The following KCNG3 variants were observed in gnomAD, a reference collection of about 807,000 sequenced individuals.
KCNG3 encodes potassium voltage-gated channel modifier subfamily G member 3.
In KCNG3, 15 loss-of-function variants were observed where a neutral mutation model predicts 29.0. The observed-to-expected ratio is 0.52, with a 90% CI of 0.35 to 0.80. The LOEUF (loss-of-function observed/expected upper bound fraction) is 0.80. Among genes scored for constraint, KCNG3 ranks in the 30% least tolerant of loss-of-function variants. The pLI, the probability that KCNG3 is intolerant of heterozygous loss-of-function variation, is 0.01. For synonymous variants in KCNG3, 322 were observed against 248.9 expected (o/e 1.29, Z -2.76); for missense variants, 512 against 605.7 (o/e 0.85, Z 1.62).
chr2:42,416,278 A>G, the KCNG3 span, among the ~76,000 whole-genome samples: 1 of 152,202 alleles, frequency 6.6e-6, no homozygotes, highest in Admixed American at 6.5e-5. Flanking sequence ...TCTACTGCAT[A>G]GCAAGATGAC....
chr2:42,441,970 G>A (rs1326629201), downstream of KCNG3: 1 of 151,762 alleles, frequency 6.6e-6, no homozygotes. Flanking sequence ...TAATTTACTT[G>A]GGAAGATAGG....
intron 1 of KCNG3, chr2:42,470,183 T>C (rs773192397): frequency 1.3e-4 from 56 of 422,684 alleles, no homozygotes; most frequent in Admixed American, 2.4e-4. Flanking sequence ...GATTCACCAT[T>C]TGGCTTGATA....
the KCNG3 span, among the ~76,000 whole-genome samples, chr2:42,399,666 G>C: frequency 1.3e-5 from 2 of 152,102 alleles, no homozygotes; most frequent in African/African-American, 4.8e-5. Context: ...TAAGAGTGTG[G>C]AGACAGAAGA....
At chr2:42,392,605 A>G in the KCNG3 span, among the ~76,000 whole-genome samples, 2 of 152,168 alleles carry the variant, frequency 1.3e-5, no homozygotes, top group African/African-American at 2.4e-5. Context: ...TGCTACAGCC[A>G]AAGAGATGGG....
chr2:42,440,661 T>A (rs1471941169), downstream of KCNG3, among the ~76,000 whole-genome samples: 1 of 152,166 alleles, frequency 6.6e-6, no homozygotes, highest in Non-Finnish European at 1.5e-5. Context: ...ATTGTGGAAA[T>A]AACTTTTCAG....
At chr2:42,414,864 T>C in the KCNG3 span, among the ~76,000 whole-genome samples, 1 of 152,352 alleles carries the variant, frequency 6.6e-6, no homozygotes, top group Admixed American at 6.5e-5. Context: ...ATGACTATCT[T>C]TTTCACATCT....
At chr2:42,446,180 TA>T (rs1386823670) in intron 1 of KCNG3, among the ~76,000 whole-genome samples, 2 of 151,782 alleles carry the variant, frequency 1.3e-5, no homozygotes, top group Admixed American at 1.3e-4. Flanking sequence ...TAACATTTTT[TA>T]TTTTTTTTTA....
the KCNG3 span, among the ~76,000 whole-genome samples, chr2:42,403,477 GTTT>G: frequency 2.3e-5 from 2 of 87,774 alleles, no homozygotes; most frequent in African/African-American, 9.2e-5. Context: ...TTTCTTTTCT[GTTT>G]TTTTTTTTTT....
chr2:42,467,531 G>C (rs1409355310), intron 1 of KCNG3, among the ~76,000 whole-genome samples: 1 of 151,852 alleles, frequency 6.6e-6, no homozygotes, highest in Non-Finnish European at 1.5e-5. Context: ...AGCCAGGCAT[G>C]GTGGCACATG....
At chr2:42,432,108 G>C in the KCNG3 span, among the ~76,000 whole-genome samples, 2 of 151,924 alleles carry the variant, frequency 1.3e-5, no homozygotes, top group South Asian at 4.1e-4. Context: ...CTTTTTGCAG[G>C]TACAAGGATC....
At chr2:42,417,320 G>A in the KCNG3 span, among the ~76,000 whole-genome samples, 6 of 152,102 alleles carry the variant, frequency 3.9e-5, no homozygotes, top group East Asian at 1.2e-3. Context: ...TTGTAGGTGT[G>A]TGGTGGGAGG....
the KCNG3 span, among the ~76,000 whole-genome samples, chr2:42,423,837 C>T: frequency 0.016 from 2,475 of 150,520 alleles, 66 homozygotes; most frequent in African/African-American, 0.057. Flanking sequence ...ATGACAGTAA[C>T]TTATTACAAT....
chr2:42,388,867 T>C, the KCNG3 span, among the ~76,000 whole-genome samples: 2 of 152,252 alleles, frequency 1.3e-5, no homozygotes, highest in East Asian at 3.9e-4. Flanking sequence ...TCTAAGCACA[T>C]AATTTTTTTT....
the KCNG3 span, among the ~76,000 whole-genome samples, chr2:42,416,403 G>C: frequency 6.6e-6 from 1 of 152,196 alleles, no homozygotes; most frequent in African/African-American, 2.4e-5. Context: ...CTTGTGCCCA[G>C]AAGTTCAAGG....
At chr2:42,390,513 C>A in the KCNG3 span, among the ~76,000 whole-genome samples, 2 of 152,092 alleles carry the variant, frequency 1.3e-5, no homozygotes, top group African/African-American at 4.8e-5. Context: ...ATGACCCAAT[C>A]CCCAGGGGCA....
chr2:42,407,177 CTTTTT>C, the KCNG3 span, among the ~76,000 whole-genome samples: 1 of 133,148 alleles, frequency 7.5e-6, no homozygotes. Flanking sequence ...TCTGCTTGAT[CTTTTT>C]TTTTTTTTTT....
chr2:42,472,698 C>A (rs979043665), intron 1 of KCNG3, among the ~76,000 whole-genome samples: 1 of 151,450 alleles, frequency 6.6e-6, no homozygotes, highest in Non-Finnish European at 1.5e-5. Flanking sequence ...CAGGGTTTCA[C>A]CACGTTGCAC....
chr2:42,489,998 A>AC (rs1673831312), intron 1 of KCNG3, among the ~76,000 whole-genome samples: 1 of 152,206 alleles, frequency 6.6e-6, no homozygotes, highest in South Asian at 2.1e-4. Flanking sequence ...GAACACATGT[A>AC]CCACATGTAC....
At chr2:42,410,214 G>A in the KCNG3 span, among the ~76,000 whole-genome samples, 1 of 152,034 alleles carries the variant, frequency 6.6e-6, no homozygotes, top group Admixed American at 6.6e-5. Context: ...ATATTTTGGG[G>A]GCAATCGGAT....
Sources: gnomAD v4.1 joint callset for allele counts (sites outside exome capture counted in the v4.1 genomes callset) on GRCh38, gnomAD v4.1.1 for gene constraint, MANE v1.5 for transcripts, NCBI Gene and HGNC (gene_info 2026-07-23, HGNC 2026-07-21) for gene names.